Variants in GRID1 observed in about 807,000 individuals in gnomAD.
The protein encoded by GRID1 is glutamate receptor ionotropic, delta-1.
Under a neutral mutation model 98.0 loss-of-function variants are expected in GRID1, and 28 were observed. The ratio of observed to expected loss-of-function variants is 0.29; its 90% CI spans 0.21 to 0.39. The LOEUF (loss-of-function observed/expected upper bound fraction) is 0.39. Among genes scored for constraint, GRID1 ranks in the 10% least tolerant of loss-of-function variants. GRID1 has a pLI of 1.00. For missense variants in GRID1, 1,111 were observed against 1,340.5 expected, an observed-to-expected ratio of 0.83 and a Z score of 2.67; for synonymous variants, 553 against 538.5, an observed-to-expected ratio of 1.03 and a Z score of -0.37.
intron 1 of GRID1, among the ~76,000 whole-genome samples, chr10:86,364,357 A>G (rs534220731): frequency 2.0e-5 from 3 of 152,302 alleles, no homozygotes; most frequent in African/African-American, 7.2e-5. Context: ...GGCTGCCACC[A>G]GGTCACACAC....
At chr10:86,110,698 A>G (rs1231020829) in intron 4 of GRID1, among the ~76,000 whole-genome samples, 1 of 152,176 alleles carries the variant, frequency 6.6e-6, no homozygotes, top group Non-Finnish European at 1.5e-5. Flanking sequence ...AGGCTAGCCC[A>G]CAGCTTTCAT....
At chr10:85,990,757 G>A (rs960067003) in intron 4 of GRID1, among the ~76,000 whole-genome samples, 4 of 152,200 alleles carry the variant, frequency 2.6e-5, no homozygotes, top group African/African-American at 9.7e-5. Flanking sequence ...TTTATTTTAA[G>A]TTGAATGGAA....
chr10:85,702,464 G>A (rs1469188511), intron 12 of GRID1, among the ~76,000 whole-genome samples: 1 of 152,066 alleles, frequency 6.6e-6, no homozygotes, highest in Non-Finnish European at 1.5e-5. Context: ...AAAAATCAAT[G>A]TTCCTGTAAA....
chr10:85,962,968 G>A (rs182907514), intron 4 of GRID1, among the ~76,000 whole-genome samples: 13 of 152,294 alleles, frequency 8.5e-5, no homozygotes, highest in African/African-American at 3.1e-4. Context: ...AAAGTAATAT[G>A]CTAAGTGCTC....
At chr10:85,806,735 G>A (rs1842626131) in intron 8 of GRID1, among the ~76,000 whole-genome samples, 1 of 152,116 alleles carries the variant, frequency 6.6e-6, no homozygotes, top group Admixed American at 6.6e-5. Flanking sequence ...TTCTAGAATA[G>A]ATAATATTTA....
intron 2 of GRID1, among the ~76,000 whole-genome samples, chr10:86,245,687 T>G (rs1000881511): frequency 1.6e-4 from 25 of 152,228 alleles, no homozygotes; most frequent in African/African-American, 6.0e-4. Flanking sequence ...CAGGTGGTCC[T>G]TGAAGCCACA....
chr10:85,826,489 G>A (rs528884904), intron 8 of GRID1, among the ~76,000 whole-genome samples: 1 of 152,244 alleles, frequency 6.6e-6, no homozygotes, highest in East Asian at 1.9e-4. Context: ...ACAGATGCCA[G>A]CAACTGTGAC....
intron 2 of GRID1, among the ~76,000 whole-genome samples, chr10:86,349,847 G>A (rs1287993580): frequency 6.6e-6 from 1 of 152,180 alleles, no homozygotes; most frequent in East Asian, 1.9e-4. Flanking sequence ...CTTGGCTCTG[G>A]GGACTTGGCA....
At chr10:85,868,922 A>C in intron 6 of GRID1, 88 bp downstream of exon 6, 1 of 1,084,370 alleles carries the variant, frequency 9.2e-7, no homozygotes, top group Non-Finnish European at 1.4e-6. Flanking sequence ...GTTGGTGGCA[A>C]TAGGAGGCCC....
In GRID1 at chr10:85,776,123, C is replaced by G. The variant is rs77952043; in HGVS notation, c.1234-46509G>C. Among the ~76,000 whole-genome samples the G allele has an allele frequency of 3.0e-3, 463 of 152,208 alleles. 3 individuals are homozygous for G. Among genetic ancestry groups the G allele is most frequent in the African/African-American group, 0.011 (443 of 41,530 alleles). Reference sequence around the variant, plus strand: ...TTGGGTTTGTGTCCCAACCTAGGCACAACACCTCCACGTTCTTAACTACGA... The same window carrying G: ...TTGGGTTTGTGTCCCAACCTAGGCAGAACACCTCCACGTTCTTAACTACGA... On this transcript the variant is annotated intron_variant, in intron 8 of 15. Coordinates refer to ENST00000327946, the MANE Select transcript of GRID1 (RefSeq NM_017551.3).
chr10:85,770,445 C>T (rs1164200996), intron 8 of GRID1, among the ~76,000 whole-genome samples: 1 of 152,168 alleles, frequency 6.6e-6, no homozygotes, highest in African/African-American at 2.4e-5. Flanking sequence ...AATGCAGCTC[C>T]TCATGAGCAA....
At chr10:85,709,982 A>T (rs1742521663) in intron 12 of GRID1, among the ~76,000 whole-genome samples, 1 of 152,198 alleles carries the variant, frequency 6.6e-6, no homozygotes, top group African/African-American at 2.4e-5. Flanking sequence ...AAAAGAAATT[A>T]AAGGCACAAA....
intron 12 of GRID1, among the ~76,000 whole-genome samples, chr10:85,704,826 C>T (rs756662027): frequency 9.2e-5 from 14 of 152,116 alleles, no homozygotes; most frequent in Non-Finnish European, 1.9e-4. Flanking sequence ...TACTCAAAAC[C>T]GCTCAACTAC....
At chr10:86,259,825 G>T (rs950582439) in intron 2 of GRID1, among the ~76,000 whole-genome samples, 1 of 152,222 alleles carries the variant, frequency 6.6e-6, no homozygotes, top group South Asian at 2.1e-4. Flanking sequence ...TCCATAGCAG[G>T]CTCCAAATAG....
intron 2 of GRID1, among the ~76,000 whole-genome samples, chr10:86,294,186 G>A (rs1434510842): frequency 6.6e-6 from 1 of 152,166 alleles, no homozygotes; most frequent in Non-Finnish European, 1.5e-5. Flanking sequence ...CTGGGGTTGA[G>A]TCTCTAAGAG....
intron 4 of GRID1, among the ~76,000 whole-genome samples, chr10:86,002,145 C>T (rs1294690575): frequency 6.6e-6 from 1 of 152,208 alleles, no homozygotes; most frequent in Admixed American, 6.5e-5. Context: ...TCTACAAAGA[C>T]CCTACTGCCA....
intron 8 of GRID1, among the ~76,000 whole-genome samples, chr10:85,748,329 A>T (rs1027179286): frequency 6.6e-6 from 1 of 152,200 alleles, no homozygotes; most frequent in African/African-American, 2.4e-5. Flanking sequence ...CCTGAGAAAC[A>T]TCATGTGACC....
At chr10:86,307,793 C>A (rs964963773) in intron 2 of GRID1, among the ~76,000 whole-genome samples, 1 of 152,156 alleles carries the variant, frequency 6.6e-6, no homozygotes, top group East Asian at 1.9e-4. Flanking sequence ...ATGTTGTACA[C>A]CTTAAATATT....
chr10:85,826,284 G>A (rs1479858531), intron 8 of GRID1, among the ~76,000 whole-genome samples: 3 of 152,184 alleles, frequency 2.0e-5, no homozygotes, highest in African/African-American at 7.2e-5. Flanking sequence ...GCGGTGAGCC[G>A]AGATCGCGCC....
Sources: allele counts gnomAD v4.1 joint callset (sites outside exome capture counted in the v4.1 genomes callset), GRCh38; gene constraint gnomAD v4.1.1; transcripts MANE v1.5; gene names NCBI Gene and HGNC (gene_info 2026-07-23, HGNC 2026-07-21).